Variants in CHN2 observed in about 807,000 individuals in gnomAD.
CHN2 encodes the protein chimerin 2, also known as beta-chimaerin.
A neutral mutation model predicts 56.3 loss-of-function variants in CHN2; 35 were observed. The observed-to-expected ratio is 0.62, with a 90% CI of 0.47 to 0.82. The LOEUF (loss-of-function observed/expected upper bound fraction) is 0.82. CHN2 is among the 40% of genes least tolerant of loss of function. The probability of loss-of-function intolerance (pLI) is 0.00; values close to 1 mark genes in which losing one functional copy is unlikely to be tolerated. For missense variants in CHN2, 491 were observed against 580.5 expected, an observed-to-expected ratio of 0.85 and a Z score of 1.58; for synonymous variants, 210 against 212.8, an observed-to-expected ratio of 0.99 and a Z score of 0.12.
At chr7:29,175,449 T>TA (rs1797181434) in intron 2 of CHN2, among the ~76,000 whole-genome samples, 1 of 152,136 alleles carries the variant, frequency 6.6e-6, no homozygotes, top group South Asian at 2.1e-4. Context: ...GTGCTGGGAT[T>TA]ACAGGTATGA....
upstream of CHN2, chr7:29,194,757 G>T: frequency 2.2e-6 from 1 of 457,452 alleles, no homozygotes; most frequent in South Asian, 6.0e-5. Flanking sequence ...AAATAGCGGC[G>T]GCGGCAGCGC....
intron 1 of CHN2, among the ~76,000 whole-genome samples, chr7:29,310,723 CCTGTGTCCTCA>C (rs1393213739): frequency 2.6e-5 from 4 of 152,128 alleles, no homozygotes; most frequent in South Asian, 2.1e-4. Context: ...ATAAACAGGG[CCTGTGTCCTCA>C]CTGTGTCCTC....
chr7:29,382,920 T>C (rs1017574297), intron 3 of CHN2, among the ~76,000 whole-genome samples: 7 of 152,174 alleles, frequency 4.6e-5, no homozygotes, highest in African/African-American at 1.4e-4. Context: ...ACAGAAGCTA[T>C]GTATGAGGAA....
intron 6 of CHN2, among the ~76,000 whole-genome samples, chr7:29,468,537 T>G (rs1785762834): frequency 6.6e-6 from 1 of 152,124 alleles, no homozygotes; most frequent in African/African-American, 2.4e-5. Context: ...TAGCTTTCTT[T>G]CTTTCTTAAA....
At chr7:29,236,171 G>T (rs970562524) in intron 1 of CHN2, among the ~76,000 whole-genome samples, 3 of 152,220 alleles carry the variant, frequency 2.0e-5, no homozygotes, top group Admixed American at 2.0e-4. Context: ...GAGGAGAAAG[G>T]AGTTTAGAAG....
intron 2 of CHN2, chr7:29,148,634 T>A (rs1029553289): frequency 1.3e-5 from 2 of 152,240 alleles, no homozygotes; most frequent in Non-Finnish European, 2.9e-5. Flanking sequence ...CTTAAGAAGT[T>A]ATTAAAGCTT....
At chr7:29,188,948 C>CTTTTTTTT (rs11376135) in intron 2 of CHN2, among the ~76,000 whole-genome samples, 1 of 129,984 alleles carries the variant, frequency 7.7e-6, no homozygotes, top group African/African-American at 2.9e-5. Flanking sequence ...TTCCTCATAC[C>CTTTTTTTT]TTTTTTTTTT....
chr7:29,260,259 G>A (rs1327848064), intron 1 of CHN2, among the ~76,000 whole-genome samples: 1 of 152,174 alleles, frequency 6.6e-6, no homozygotes, highest in Non-Finnish European at 1.5e-5. Flanking sequence ...TTACAGGTAT[G>A]AGCCACCGCA....
chr7:29,319,726 C>T (rs1795206275), intron 1 of CHN2, among the ~76,000 whole-genome samples: 1 of 152,170 alleles, frequency 6.6e-6, no homozygotes, highest in Non-Finnish European at 1.5e-5. Context: ...TCTTCACTCC[C>T]ATGGGTGCCT....
At chr7:29,418,272 A>G (rs1311829351) in intron 6 of CHN2, among the ~76,000 whole-genome samples, 5 of 152,260 alleles carry the variant, frequency 3.3e-5, no homozygotes, top group African/African-American at 1.2e-4. Context: ...CACCAGGCAG[A>G]CACCCAAGTA....
In CHN2 at chr7:29,235,802, C is replaced by T. The variant is rs565169166; in HGVS notation, c.49+40812C>T. Among the ~76,000 whole-genome samples the T allele has an allele frequency of 3.9e-5, 6 of 152,244 alleles. No individual in the cohort carries two copies. In the South Asian group the frequency reaches 6.2e-4, roughly 16 times the overall value. ...CATACAGGAACTGACAACCAAATAC[C>T]GCATGTTCTCACTTATAAGTGGGAG... is the stretch of plus-strand genomic sequence containing the variant. On this transcript the variant is annotated intron_variant, in intron 1 of 12. Transcript: ENST00000222792.
chr7:29,308,264 T>C (rs758441130), intron 1 of CHN2, among the ~76,000 whole-genome samples: 1 of 152,172 alleles, frequency 6.6e-6, no homozygotes, highest in Non-Finnish European at 1.5e-5. Flanking sequence ...GGCCCTTGGC[T>C]CATGCTGTTT....
chr7:29,178,524 G>A (rs1378029385), intron 2 of CHN2, among the ~76,000 whole-genome samples: 1 of 152,064 alleles, frequency 6.6e-6, no homozygotes, highest in Non-Finnish European at 1.5e-5. Context: ...CTGCTGAAAT[G>A]TCACATCCTC....
intron 6 of CHN2, among the ~76,000 whole-genome samples, chr7:29,414,995 C>T (rs996074587): frequency 1.3e-5 from 2 of 152,174 alleles, no homozygotes; most frequent in African/African-American, 4.8e-5. Context: ...ATACAGTTCT[C>T]ATTGCACTGA....
At chr7:29,233,151 A>G (rs529470299) in intron 1 of CHN2, among the ~76,000 whole-genome samples, 3 of 152,324 alleles carry the variant, frequency 2.0e-5, no homozygotes, top group South Asian at 2.1e-4. Flanking sequence ...CCACCAAACT[A>G]GTTATATGAC....
chr7:29,341,266 T>G (rs1797037144), intron 1 of CHN2, among the ~76,000 whole-genome samples: 1 of 152,182 alleles, frequency 6.6e-6, no homozygotes, highest in South Asian at 2.1e-4. Context: ...CCAGTTCCAC[T>G]GCAGTGGGCT....
At chr7:29,244,480 T>C (rs1223353400) in intron 1 of CHN2, among the ~76,000 whole-genome samples, 17 of 152,166 alleles carry the variant, frequency 1.1e-4, no homozygotes. Flanking sequence ...GGCTGATAGG[T>C]TTCACCTCTA....
At chr7:29,445,649 T>C (rs1013574707) in intron 6 of CHN2, among the ~76,000 whole-genome samples, 2 of 152,200 alleles carry the variant, frequency 1.3e-5, no homozygotes, top group Non-Finnish European at 2.9e-5. Context: ...TTGCCATTTG[T>C]AATCACTGCT....
At chr7:29,306,216 C>T (rs778275255) in intron 1 of CHN2, among the ~76,000 whole-genome samples, 1 of 152,168 alleles carries the variant, frequency 6.6e-6, no homozygotes, top group Non-Finnish European at 1.5e-5. Flanking sequence ...GGTCCCTAAA[C>T]TGGTGGTGTC....
Sources: allele counts gnomAD v4.1 joint callset (sites outside exome capture counted in the v4.1 genomes callset), GRCh38; gene constraint gnomAD v4.1.1; transcripts MANE v1.5; gene names NCBI Gene and HGNC (gene_info 2026-07-23, HGNC 2026-07-21).